The following VPS13D variants were observed in gnomAD, a reference collection of about 807,000 sequenced individuals.
The protein encoded by VPS13D is vacuolar protein sorting 13 homolog D.
Under a neutral mutation model 461.9 loss-of-function variants are expected in VPS13D, and 187 were observed. The ratio of observed to expected loss-of-function variants is 0.40; its 90% confidence interval spans 0.36 to 0.46. The LOEUF is 0.46. Ranked by LOEUF, VPS13D falls within the 20% of genes least tolerant of loss-of-function variation. The pLI is 0.60. For synonymous variants in VPS13D, 1,951 were observed against 1,986.3 expected (o/e 0.98, Z 0.47); for missense variants, 4,711 against 5,364.9 (o/e 0.88, Z 3.81).
chr1:12,458,173 T>G (rs1645354973), intron 66 of VPS13D, among the ~76,000 whole-genome samples: 1 of 152,252 alleles, frequency 6.6e-6, no homozygotes, highest in East Asian at 1.9e-4. Flanking sequence ...GAGGATCCAC[T>G]GAGCTCTGGG....
At chr1:12,271,266 C>T (rs1641432371) in intron 17 of VPS13D, 142 bp downstream of exon 17, 3 of 1,075,938 alleles carry the variant, frequency 2.8e-6, no homozygotes, top group African/African-American at 3.1e-5. Flanking sequence ...TCCTTATCAG[C>T]TAGCATAGAA....
intron 46 of VPS13D, among the ~76,000 whole-genome samples, chr1:12,352,916 G>A (rs1303067418): frequency 1.7e-5 from 2 of 115,244 alleles, no homozygotes; most frequent in Non-Finnish European, 3.2e-5. Context: ...AGTGAGCCAA[G>A]ATAGCACTAT....
In VPS13D at chr1:12,362,705, T is replaced by A; in HGVS notation, c.10142-15T>A. Reference sequence around the variant, plus strand: ...TTCATGGTTAACTCATAAAAGTGGTTCTTGTTATTTGTAGGTATTGATGTC... The same window carrying A: ...TTCATGGTTAACTCATAAAAGTGGTACTTGTTATTTGTAGGTATTGATGTC... On this transcript the variant is annotated splice_polypyrimidine_tract_variant and intron_variant, in intron 50 of 69. Coordinates refer to ENST00000620676, the MANE Select transcript of VPS13D (RefSeq NM_015378.4). 1 of 1,612,140 alleles carries A rather than the reference T, an allele frequency of 6.2e-7. No homozygotes were observed. Among genetic ancestry groups the A allele is most frequent in the Non-Finnish European group, 8.5e-7 (1 of 1,179,310 alleles).
chr1:12,384,608 A>C (rs914242840), intron 58 of VPS13D, among the ~76,000 whole-genome samples: 1 of 152,124 alleles, frequency 6.6e-6, no homozygotes, highest in African/African-American at 2.4e-5. Context: ...ACAATTCACA[A>C]CACCACTTTT....
In VPS13D at chr1:12,256,995, C is replaced by T. The variant is rs138858983; in HGVS notation, c.849C>T (p.Tyr283=). The part of the protein sequence containing the change: ...TIPLKLSQLQ[Y]RQIMEFLKEL... The stretch of plus-strand genomic sequence containing the variant: ...TAACCTCTAATACAAAGCTGCAATA[C>T]CGGCAAATCATGGAATTCCTCAAGG... The change falls in exon 9 of 70, where the codon TAC becomes TAT. Residue 283 remains tyrosine, a synonymous_variant. Coordinates refer to ENST00000620676, the MANE Select transcript of VPS13D (RefSeq NM_015378.4). 2.2e-4 allele frequency: 356 copies of T among 1,614,056 alleles called. 1 individual carries two copies. The African/African-American group carries it at 4.2e-3, about 19-fold the overall frequency.
rs746020116 is a variant in VPS13D at position 12,341,783 on chromosome 1, A to C, written c.8630A>C (p.Glu2877Ala). 6.2e-7 allele frequency: 1 copy of C among 1,613,902 alleles called. No homozygotes were observed. Among genetic ancestry groups the C allele is most frequent in the Non-Finnish European group, 8.5e-7 (1 of 1,179,912 alleles). Residue 2877 changes from glutamate (E) to alanine (A), a missense_variant, in exon 41 of 70, where the codon GAG (glutamate) becomes GCG (alanine). By Grantham distance (107) the Glu-to-Ala change is moderately radical. Around this residue, in one of 3 missense-constraint regions of VPS13D, gnomAD observed 4,411 missense variants for 4,937.8 expected, o/e 0.89. Coordinates refer to ENST00000620676, the MANE Select transcript of VPS13D (RefSeq NM_015378.4). ...AGCCTTCTTCTGTTTGTCGTAGCAG[A>C]GGTGAAAACCCCCAAGCGCCGGCAG... Reference protein sequence around the residue: ...NLEHQIYARAEVKTPKRRQPF... With the variant: ...NLEHQIYARAAVKTPKRRQPF...
chr1:12,288,124 C>A, intron 21 of VPS13D, 99 bp from the exon 22 acceptor site: 2 of 1,046,768 alleles, frequency 1.9e-6, no homozygotes, highest in Non-Finnish European at 2.9e-6. Context: ...TCAAGTTTCC[C>A]AAGCCTTTTT....
chr1:12,408,408 G>A (rs1054500275), intron 63 of VPS13D, among the ~76,000 whole-genome samples: 3 of 152,136 alleles, frequency 2.0e-5, no homozygotes, highest in Admixed American at 6.5e-5. Flanking sequence ...CACTCTGTCA[G>A]GCTGAAGTGC....
intron 33 of VPS13D, 37 bp from the exon 34 acceptor site, chr1:12,322,499 G>A: frequency 6.2e-7 from 1 of 1,602,120 alleles, no homozygotes; most frequent in Non-Finnish European, 8.5e-7. Context: ...AACCAATGCA[G>A]CTTTAAAAAA....
At chr1:12,294,224 T>C (rs746334835) in intron 24 of VPS13D, among the ~76,000 whole-genome samples, 1 of 152,196 alleles carries the variant, frequency 6.6e-6, no homozygotes, top group Non-Finnish European at 1.5e-5. Context: ...ATGGAAAGAA[T>C]AATATTTTAT....
intron 58 of VPS13D, 27 bp from the exon 59 acceptor site, chr1:12,385,233 T>A (rs754862069): frequency 1.3e-6 from 2 of 1,580,734 alleles, no homozygotes; most frequent in South Asian, 1.1e-5. Flanking sequence ...GTGAATCATC[T>A]TCTTGTGGTG....
intron 39 of VPS13D, 128 bp downstream of exon 39, chr1:12,335,955 G>A: frequency 1.4e-6 from 2 of 1,394,204 alleles, no homozygotes; most frequent in South Asian, 1.3e-5. Flanking sequence ...ACTATCTTCT[G>A]TAGTTCTGTT....
At chr1:12,263,146 TA>T (rs1356318277) in intron 13 of VPS13D, among the ~76,000 whole-genome samples, 1 of 152,208 alleles carries the variant, frequency 6.6e-6, no homozygotes, top group African/African-American at 2.4e-5. Context: ...CTAATACTCA[TA>T]TTTTTTTTGT....
chr1:12,335,259 G>A (rs1643422482), intron 38 of VPS13D, among the ~76,000 whole-genome samples: 1 of 152,164 alleles, frequency 6.6e-6, no homozygotes, highest in African/African-American at 2.4e-5. Context: ...TAGAGATGGG[G>A]TTTTGCTATG....
chr1:12,257,356 G>T (rs1036437376), intron 9 of VPS13D, among the ~76,000 whole-genome samples: 3 of 152,178 alleles, frequency 2.0e-5, no homozygotes, highest in African/African-American at 4.8e-5. Flanking sequence ...GACTGATGTT[G>T]CTCTGGTGGG....
In VPS13D at chr1:12,480,877, T is replaced by C. The variant is rs186732096; in HGVS notation, c.12663-16623T>C. ...CAGCTTCTTGGATCTGAGCAATCCT[T>C]TGGAAAGGGAGCAATGAAGAGCAGT... On this transcript the variant is annotated intron_variant, in intron 67 of 69. Coordinates refer to ENST00000620676, the MANE Select transcript of VPS13D (RefSeq NM_015378.4). Among the ~76,000 whole-genome samples, 494 of 152,316 alleles carry C rather than the reference T, an allele frequency of 3.2e-3. 3 individuals carry two copies. The highest frequency in any genetic ancestry group is 5.1e-3 in the Non-Finnish European group (348 of 68,022).
Position 12,279,521 on chromosome 1 carries a change from C to T in VPS13D, c.4473C>T (p.Thr1491=). 6.2e-7 allele frequency: 1 copy of T among 1,604,602 alleles called. No individual in the cohort carries two copies. The highest frequency in any genetic ancestry group is 2.2e-5 in the East Asian group (1 of 44,780). ...CAGCTTTTCACATCCTGAACAACACCACCATTCAGTTTAAACTGGAGAAGA... is the reference window on the plus strand; with the variant it reads ...CAGCTTTTCACATCCTGAACAACACTACCATTCAGTTTAAACTGGAGAAGA... ...RGQAFHILNN[T]TIQFKLEKIP... Residue 1491 remains threonine (T), a synonymous_variant, in exon 20 of 70, where the codon ACC becomes ACT. Coordinates refer to ENST00000620676, the MANE Select transcript of VPS13D (RefSeq NM_015378.4). This position sits in a 1 kb window ranked among gnomAD's most constrained non-coding sequence, Gnocchi z 4.3.
At chr1:12,375,007 G>A (rs1644179471) in intron 55 of VPS13D, among the ~76,000 whole-genome samples, 2 of 152,178 alleles carry the variant, frequency 1.3e-5, no homozygotes, top group Non-Finnish European at 2.9e-5. Flanking sequence ...GAAAGTGCTG[G>A]GATTACAGGC....
intron 2 of VPS13D, among the ~76,000 whole-genome samples, chr1:12,237,261 G>A (rs1640182539): frequency 6.6e-6 from 1 of 151,910 alleles, no homozygotes; most frequent in Non-Finnish European, 1.5e-5. Context: ...AAAGTAACAT[G>A]GGAGGATCAC....
Sources: allele counts gnomAD v4.1 joint callset (sites outside exome capture counted in the v4.1 genomes callset), GRCh38; gene constraint gnomAD v4.1.1; regional missense constraint gnomAD v4.1.1; non-coding constraint Gnocchi (gnomAD v3.1); transcripts MANE v1.5; gene names NCBI Gene and HGNC (gene_info 2026-07-23, HGNC 2026-07-21).